The following KLHL29 variants were observed in gnomAD, a reference collection of about 807,000 sequenced individuals.
The protein encoded by KLHL29 is kelch like family member 29.
Under a neutral mutation model 80.4 loss-of-function variants are expected in KLHL29, and 21 were observed. The ratio of observed to expected loss-of-function variants is 0.26; its 90% confidence interval spans 0.19 to 0.38. KLHL29 has a LOEUF of 0.38. Ranked by LOEUF, KLHL29 falls within the 10% of genes least tolerant of loss-of-function variation. KLHL29 has a pLI of 1.00. For missense variants in KLHL29, 867 were observed against 1,223.9 expected, an observed-to-expected ratio of 0.71 and a Z score of 4.35; for synonymous variants, 511 against 526.8, an observed-to-expected ratio of 0.97 and a Z score of 0.41.
At chr2:23,653,996 A>T (rs1670162824) in intron 5 of KLHL29, among the ~76,000 whole-genome samples, 1 of 151,944 alleles carries the variant, frequency 6.6e-6, no homozygotes, top group South Asian at 2.1e-4. Context: ...GCAAAACCCC[A>T]TCTCTACTAA....
intron 5 of KLHL29, among the ~76,000 whole-genome samples, chr2:23,650,440 A>G (rs1670059494): frequency 6.6e-6 from 1 of 152,208 alleles, no homozygotes. Context: ...ACAAAGGCCC[A>G]AGCCATCCCT....
At chr2:23,671,163 G>A (rs1251911052) in intron 5 of KLHL29, among the ~76,000 whole-genome samples, 1 of 151,622 alleles carries the variant, frequency 6.6e-6, no homozygotes, top group South Asian at 2.1e-4. Context: ...TTGTACTCCT[G>A]GCTCTGGTTC....
At chr2:23,428,634 T>G (rs148320461) in intron 1 of KLHL29, among the ~76,000 whole-genome samples, 1 of 152,314 alleles carries the variant, frequency 6.6e-6, no homozygotes, top group East Asian at 1.9e-4. Context: ...AATTATGTTA[T>G]ATGATTGATA....
In KLHL29 at chr2:23,693,348, G is replaced by A; in HGVS notation, c.1362G>A (p.Met454Ile). The part of the protein sequence containing the change: ...EAMQCSELYH[M>I]AKAFALQIFP... ...TGCAGTGCAGCGAGCTCTACCACAT[G>A]GCCAAGGCCTTCGCGCTGCAGATCT... is the stretch of plus-strand genomic sequence containing the variant. The change falls in exon 8 of 14, where the codon ATG becomes ATA. Residue 454 changes from methionine (M) to isoleucine (I), a missense_variant. By Grantham distance (10) the Met-to-Ile change is conservative. This residue lies in a region of KLHL29 where 443 missense variants were observed against 767.0 expected (regional missense o/e 0.58). Coordinates refer to ENST00000486442, the MANE Select transcript of KLHL29 (RefSeq NM_052920.2). 1 of 1,551,616 alleles carries A rather than the reference G, an allele frequency of 6.4e-7. No homozygotes were observed. Among genetic ancestry groups the A allele is most frequent in the South Asian group, 1.2e-5 (1 of 84,060 alleles).
At chr2:23,480,266 C>T (rs1664752762) in intron 2 of KLHL29, among the ~76,000 whole-genome samples, 1 of 152,198 alleles carries the variant, frequency 6.6e-6, no homozygotes, top group Admixed American at 6.5e-5. Context: ...GTGGGCGGAT[C>T]ACTTGAGGCC....
At chr2:23,414,505 G>A (rs1663099480) in intron 1 of KLHL29, among the ~76,000 whole-genome samples, 1 of 152,210 alleles carries the variant, frequency 6.6e-6, no homozygotes, top group African/African-American at 2.4e-5. Flanking sequence ...AGGCTGGCTG[G>A]GTCCTGCAGA....
intron 1 of KLHL29, among the ~76,000 whole-genome samples, chr2:23,433,272 CT>C (rs1275244635): frequency 6.6e-6 from 1 of 152,210 alleles, no homozygotes; most frequent in Non-Finnish European, 1.5e-5. Context: ...TGTTGAAATC[CT>C]TTTGCAGAGT....
At chr2:23,648,632 C>T (rs1670004390) in intron 5 of KLHL29, among the ~76,000 whole-genome samples, 1 of 152,204 alleles carries the variant, frequency 6.6e-6, no homozygotes, top group Non-Finnish European at 1.5e-5. Flanking sequence ...CCCTCAGGGG[C>T]TTTCAGTATC....
Position 23,707,336 on chromosome 2 carries a change from T to G in KLHL29, c.*672T>G, listed in dbSNP as rs1672796831. On this transcript the variant is annotated 3_prime_UTR_variant, in exon 14 of 14. Coordinates refer to ENST00000486442, the MANE Select transcript of KLHL29 (RefSeq NM_052920.2). ...GAGAAGGACAGTGATTGCGCTAGCT[T>G]TCTCTTACCCGGTATGAATTATTTA... is the stretch of plus-strand genomic sequence containing the variant. 3 of 152,242 alleles carry G rather than the reference T, an allele frequency of 2.0e-5. No homozygotes were observed. Among genetic ancestry groups the G allele is most frequent in the African/African-American group, 7.2e-5 (3 of 41,452 alleles). The allele number at this position is 152,242 out of a possible 1,614,324, so 9.4% of individuals were successfully genotyped here.
At chr2:23,420,340 TTCTCAC>T (rs1272929751) in intron 1 of KLHL29, among the ~76,000 whole-genome samples, 1 of 152,178 alleles carries the variant, frequency 6.6e-6, no homozygotes, top group East Asian at 1.9e-4. Flanking sequence ...CTGCCTGAAA[TTCTCAC>T]TGCGTGCAGC....
At chr2:23,677,282 C>T (rs1670951081) in intron 5 of KLHL29, among the ~76,000 whole-genome samples, 1 of 152,192 alleles carries the variant, frequency 6.6e-6, no homozygotes, top group African/African-American at 2.4e-5. Flanking sequence ...CCTTGTCATC[C>T]AGTGTCATCA....
intron 1 of KLHL29, among the ~76,000 whole-genome samples, chr2:23,441,843 A>G (rs1049875437): frequency 2.0e-5 from 3 of 152,202 alleles, no homozygotes; most frequent in African/African-American, 7.2e-5. Flanking sequence ...TAAGAGAACA[A>G]GCCCCACTGT....
intron 3 of KLHL29, among the ~76,000 whole-genome samples, chr2:23,583,254 G>A (rs1009842155): frequency 2.0e-5 from 3 of 152,124 alleles, no homozygotes; most frequent in African/African-American, 7.2e-5. Context: ...ATACCCCATG[G>A]ACACCCCATG....
chr2:23,595,531 G>T (rs568749973), intron 3 of KLHL29, among the ~76,000 whole-genome samples: 52 of 152,380 alleles, frequency 3.4e-4, no homozygotes, highest in African/African-American at 1.2e-3. Context: ...CTGGACACTG[G>T]CAGAGGTACA....
chr2:23,585,137 G>A (rs1340421166), intron 3 of KLHL29, among the ~76,000 whole-genome samples: 6 of 152,244 alleles, frequency 3.9e-5, no homozygotes, highest in African/African-American at 1.4e-4. Context: ...CACCCGAGTG[G>A]GCTGAATGAA....
chr2:23,489,589 A>G (rs1262183955), intron 2 of KLHL29, among the ~76,000 whole-genome samples: 2 of 152,066 alleles, frequency 1.3e-5, no homozygotes, highest in East Asian at 3.8e-4. Context: ...ATCTGTCCTC[A>G]TGAAAGCCTC....
intron 3 of KLHL29, among the ~76,000 whole-genome samples, chr2:23,604,976 T>C (rs908615892): frequency 1.3e-5 from 2 of 152,024 alleles, no homozygotes; most frequent in African/African-American, 4.8e-5. Flanking sequence ...GTTGGGAGGG[T>C]CCGCTGAGCG....
rs1256615690 is a variant in KLHL29, at chr2:23,596,656, T to C, written c.285+34175T>C. Among the ~76,000 whole-genome samples, 1 of 152,194 alleles carries C rather than the reference T, an allele frequency of 6.6e-6. No homozygotes were observed. Among genetic ancestry groups the C allele is most frequent in the African/African-American group, 2.4e-5 (1 of 41,456 alleles). ...GCTGCCATCGTGGGAATGTGCCTCT[T>C]TAGCACGCCTTTAACCCCTATCCTG... On this transcript the variant is annotated intron_variant, in intron 3 of 13. Transcript: ENST00000486442. The surrounding 1 kb of genome is among the most constrained non-coding windows in gnomAD (Gnocchi z 4.4).
chr2:23,606,060 T>C (rs1161552496), intron 3 of KLHL29, among the ~76,000 whole-genome samples: 1 of 152,028 alleles, frequency 6.6e-6, no homozygotes, highest in Non-Finnish European at 1.5e-5. Flanking sequence ...TGAGCCATGG[T>C]GCCCAGCCAA....
Sources: gnomAD v4.1 joint callset for allele counts (sites outside exome capture counted in the v4.1 genomes callset) on GRCh38, gnomAD v4.1.1 for gene constraint, gnomAD v4.1.1 regional missense constraint, Gnocchi (gnomAD v3.1) non-coding constraint, MANE v1.5 for transcripts, NCBI Gene and HGNC (gene_info 2026-07-23, HGNC 2026-07-21) for gene names.